Variants in IQGAP1 observed in about 807,000 individuals in gnomAD.
The protein encoded by IQGAP1 is IQ motif containing GTPase activating protein 1.
IQGAP1 carries 66 observed loss-of-function variants against 215.6 expected under a neutral mutation model. The ratio of observed to expected loss-of-function variants is 0.31; its 90% CI spans 0.25 to 0.38. The LOEUF is 0.38. Ranked by LOEUF, IQGAP1 falls within the 10% of genes least tolerant of loss-of-function variation. IQGAP1 has a pLI of 1.00. For missense variants in IQGAP1, 1,712 were observed against 1,997.1 expected (o/e 0.86, Z 2.72); for synonymous variants, 772 against 728.7 (o/e 1.06, Z -0.96).
intron 11 of IQGAP1, among the ~76,000 whole-genome samples, chr15:90,450,474 G>GC (rs1477218730): frequency 6.6e-6 from 1 of 150,736 alleles, no homozygotes; most frequent in Admixed American, 6.6e-5. Flanking sequence ...CATATACCTA[G>GC]CAATGGGATT....
At chr15:90,405,472 T>C (rs1964864716) in intron 2 of IQGAP1, among the ~76,000 whole-genome samples, 1 of 152,230 alleles carries the variant, frequency 6.6e-6, no homozygotes, top group African/African-American at 2.4e-5. Flanking sequence ...AATTTATTCT[T>C]TGTGTAAAGG....
rs112519691 is a variant in IQGAP1, at chr15:90,440,635, G to T, written c.649+20G>T. 2,036 of 1,493,756 alleles carry T rather than the reference G, an allele frequency of 1.4e-3. 22 individuals are homozygous for T. The African/African-American group carries it at 0.025, about 19-fold the overall frequency. The allele number at this position is 1,493,756 out of a possible 1,614,324, so 92.5% of individuals were successfully genotyped here. A position where few individuals can be genotyped will look rare whatever the true frequency, so the allele number is the denominator to read the frequency against. ...CCGCATGTAAGAAGAGAGAAATTTT[G>T]TGGGTTCAACTGGGATTGTTGCCAC... On this transcript the variant is annotated intron_variant, in intron 7 of 37. Coordinates refer to ENST00000268182, the MANE Select transcript of IQGAP1 (RefSeq NM_003870.4).
rs772535972 is a variant in IQGAP1 at position 90,449,618 on chromosome 15, C to T, written c.1137C>T (p.Asn379=). The part of the protein sequence containing the change: ...EELQSGVDAA[N]SAAQQYQRRL... ...TGCAGTCTGGAGTGGATGCTGCAAA[C>T]AGTGCTGCCCAGCAATATCAGAGAA... Residue 379 remains asparagine, a synonymous_variant, in exon 11 of 38, where the codon AAC becomes AAT. Transcript: ENST00000268182. 13 of 1,612,452 alleles carry T rather than the reference C, an allele frequency of 8.1e-6. No homozygotes were observed. The highest frequency in any genetic ancestry group is 1.1e-5 in the Non-Finnish European group (13 of 1,179,344).
intron 11 of IQGAP1, 32 bp downstream of exon 11, chr15:90,449,675 A>G (rs956233582): frequency 1.3e-6 from 2 of 1,562,408 alleles, no homozygotes; most frequent in Non-Finnish European, 8.8e-7. Flanking sequence ...ATGGGAGGAA[A>G]GTTGTGGCTT....
chr15:90,490,351 A>C (rs1349384808), intron 33 of IQGAP1, among the ~76,000 whole-genome samples: 2 of 152,266 alleles, frequency 1.3e-5, no homozygotes, highest in Admixed American at 6.5e-5. Context: ...GATTTTGGAC[A>C]GGGGAATGGT....
At chr15:90,455,979 G>C (rs1164860199) in intron 14 of IQGAP1, among the ~76,000 whole-genome samples, 173 bp from the exon 15 acceptor site, 1 of 152,170 alleles carries the variant, frequency 6.6e-6, no homozygotes, top group Non-Finnish European at 1.5e-5. Flanking sequence ...GAGTTTAGTT[G>C]AAATAAATAC....
In IQGAP1 at chr15:90,425,532, T is replaced by C. The variant is rs78833204; in HGVS notation, c.156-578T>C. 2.5e-4 allele frequency among the ~76,000 whole-genome samples: 38 copies of C among 152,316 alleles called. 1 individual carries two copies. In the East Asian group the frequency reaches 6.9e-3, roughly 28 times the overall value. On this transcript the variant is annotated intron_variant, in intron 2 of 37. Coordinates refer to ENST00000268182, the MANE Select transcript of IQGAP1 (RefSeq NM_003870.4). ...AAAATAGTTTTCTTTTCCTATCCTTTTTACAACCTCCTCCCTGCCTCCAAA... is the reference window on the plus strand; with the variant it reads ...AAAATAGTTTTCTTTTCCTATCCTTCTTACAACCTCCTCCCTGCCTCCAAA...
At chr15:90,498,890 A>G (rs974526500) in intron 37 of IQGAP1, among the ~76,000 whole-genome samples, 77 of 151,318 alleles carry the variant, frequency 5.1e-4, no homozygotes, top group African/African-American at 2.4e-4. Context: ...GCTCACTGCA[A>G]CCTCCGCCTC....
chr15:90,493,685 TTC>T (rs1298421928), intron 35 of IQGAP1, among the ~76,000 whole-genome samples: 2 of 152,204 alleles, frequency 1.3e-5, no homozygotes, highest in Admixed American at 6.5e-5. Flanking sequence ...TGTCCTCTGT[TTC>T]TCTCTTTCCA....
At chr15:90,404,073 G>A (rs188069499) in intron 2 of IQGAP1, among the ~76,000 whole-genome samples, 1 of 152,234 alleles carries the variant, frequency 6.6e-6, no homozygotes, top group African/African-American at 2.4e-5. Context: ...ACCTGTCAAC[G>A]GACATTTTCT....
At chr15:90,414,826 G>T (rs769898353) in intron 2 of IQGAP1, among the ~76,000 whole-genome samples, 2 of 152,008 alleles carry the variant, frequency 1.3e-5, no homozygotes, top group East Asian at 3.9e-4. Flanking sequence ...TGGACGTCCC[G>T]TTGACATTTC....
At chr15:90,492,189 C>T (rs1447123577) in intron 34 of IQGAP1, among the ~76,000 whole-genome samples, 1 of 152,104 alleles carries the variant, frequency 6.6e-6, no homozygotes, top group Non-Finnish European at 1.5e-5. Flanking sequence ...TTAGGTCAGG[C>T]ACCGTGGCTC....
At chr15:90,450,602 C>A (rs766231302) in intron 11 of IQGAP1, among the ~76,000 whole-genome samples, 1 of 151,720 alleles carries the variant, frequency 6.6e-6, no homozygotes, top group Non-Finnish European at 1.5e-5. Flanking sequence ...CTGCAGCCTT[C>A]CCAGCATTTG....
rs1394325109 is a variant in IQGAP1 at position 90,483,472 on chromosome 15, C to T, written c.3667C>T (p.Arg1223Ter). 1.2e-6 allele frequency: 2 copies of T among 1,614,122 alleles called. No homozygotes were observed. The highest frequency in any genetic ancestry group is 1.7e-5 in the Admixed American group (1 of 60,000). Reference sequence around the variant, plus strand: ...AGGCCAGCTTACCACAGACCAACGCCGAAATCTGGGCTCCATTGCAAAAAT... The same window carrying T: ...AGGCCAGCTTACCACAGACCAACGCTGAAATCTGGGCTCCATTGCAAAAAT... ...AGGQLTTDQR[R>*]NLGSIAKMLQ... is the part of the protein sequence containing the mutation. The change falls in exon 29 of 38, where the codon CGA becomes TGA. Residue 1223 changes from arginine (R) to a stop codon, truncating the protein, a stop_gained. Transcript: ENST00000268182. LOFTEE classifies it high-confidence loss of function.
chr15:90,481,648 A>G (rs1247546682), intron 26 of IQGAP1, among the ~76,000 whole-genome samples: 1 of 152,118 alleles, frequency 6.6e-6, no homozygotes, highest in Non-Finnish European at 1.5e-5. Flanking sequence ...GATTTACAGC[A>G]CAATAGGTTT....
chr15:90,466,792 T>C (rs1417171672), intron 17 of IQGAP1, among the ~76,000 whole-genome samples: 1 of 152,200 alleles, frequency 6.6e-6, no homozygotes, highest in East Asian at 1.9e-4. Context: ...TTATGGACTT[T>C]TAAAAATTAA....
rs767615971 is a variant in IQGAP1 at position 90,483,518 on chromosome 15, A to G, written c.3713A>G (p.Asn1238Ser). ...AAAATGCTTCAGCATGCTGCTTCCA[A>G]TAAGATGTTTCTGGGAGATAATGCC... is the stretch of plus-strand genomic sequence containing the variant. ...IAKMLQHAAS[N>S]KMFLGDNAHL... The change falls in exon 29 of 38, where the codon AAT (asparagine) becomes AGT (serine). Residue 1238 changes from asparagine to serine, a missense_variant. Asn to Ser is a conservative substitution (Grantham distance 46). Around this residue, in one of 2 missense-constraint regions of IQGAP1, gnomAD observed 691 missense variants for 923.0 expected, o/e 0.75. Transcript: ENST00000268182. The G allele has an allele frequency of 8.7e-6, 14 of 1,614,220 alleles. No homozygotes were observed. The highest frequency in any genetic ancestry group is 1.2e-5 in the Non-Finnish European group (14 of 1,180,030).
At chr15:90,465,677 G>T (rs1022899419) in intron 15 of IQGAP1, among the ~76,000 whole-genome samples, 1 of 58,776 alleles carries the variant, frequency 1.7e-5, no homozygotes, top group Non-Finnish European at 3.1e-5. Flanking sequence ...AGCTATGTTT[G>T]TTTGTTTGTT....
Position 90,476,722 on chromosome 15 carries a change from G to C in IQGAP1, c.2844G>C (p.Met948Ile), listed in dbSNP as rs1965985829. 1.9e-6 allele frequency: 3 copies of C among 1,604,952 alleles called. No homozygotes were observed. Among genetic ancestry groups the C allele is most frequent in the Non-Finnish European group, 1.7e-6 (2 of 1,177,458 alleles). Residue 948 changes from methionine (M) to isoleucine (I), a missense_variant, in exon 24 of 38, where the codon ATG becomes ATC. By Grantham distance (10) the Met-to-Ile change is conservative. Coordinates refer to ENST00000268182, the MANE Select transcript of IQGAP1 (RefSeq NM_003870.4). ...TKKNKEQLSD[M>I]MMINKQKGGL... Reference sequence around the variant, plus strand: ...AAAATAAGGAACAGTTGTCTGATATGATGATGATAAATAAACAGAAGGGAG... The same window carrying C: ...AAAATAAGGAACAGTTGTCTGATATCATGATGATAAATAAACAGAAGGGAG...
Sources: gnomAD v4.1 joint callset for allele counts (sites outside exome capture counted in the v4.1 genomes callset) on GRCh38, gnomAD v4.1.1 for gene constraint, gnomAD v4.1.1 regional missense constraint, MANE v1.5 for transcripts, NCBI Gene and HGNC (gene_info 2026-07-23, HGNC 2026-07-21) for gene names.